The following PARVB variants were observed in gnomAD, a reference collection of about 807,000 sequenced individuals.
The protein encoded by PARVB is parvin beta, also known as beta-parvin.
Under a neutral mutation model 47.0 loss-of-function variants are expected in PARVB, and 46 were observed. The observed-to-expected ratio is 0.98, with a 90% CI of 0.77 to 1.25. The LOEUF is 1.25. PARVB is among the 50% of genes most tolerant of loss of function. The pLI is 0.00. For synonymous variants in PARVB, 196 were observed against 196.3 expected (o/e 1.00, Z 0.01); for missense variants, 473 against 471.6 (o/e 1.00, Z -0.03).
chr22:44,098,436 C>T (rs970736473), intron 2 of PARVB, among the ~76,000 whole-genome samples: 4 of 152,186 alleles, frequency 2.6e-5, no homozygotes, highest in Admixed American at 1.3e-4. Flanking sequence ...GAGAGAGTGT[C>T]AGACAGCGGG....
chr22:44,167,402 C>T (rs2054191312), intron 12 of PARVB, among the ~76,000 whole-genome samples: 1 of 152,080 alleles, frequency 6.6e-6, no homozygotes, highest in African/African-American at 2.4e-5. Context: ...GTTTGTCCAG[C>T]GAGGCTGTCT....
chr22:44,118,760 G>T (rs1157431495), intron 3 of PARVB, among the ~76,000 whole-genome samples: 1 of 151,952 alleles, frequency 6.6e-6, no homozygotes, highest in Non-Finnish European at 1.5e-5. Context: ...CTCTGGTCCT[G>T]GTGGCCACAG....
At position 44,119,134 on chromosome 22, in the gene PARVB, C is replaced by T; in HGVS notation, c.370C>T (p.Leu124Phe). Residue 124 changes from leucine (L) to phenylalanine (F), a missense_variant, in exon 4 of 13, where the codon CTC becomes TTC. Leu to Phe is a conservative substitution (Grantham distance 22). Transcript: ENST00000338758. ...DLYDGQVLQK[L>F]LEKLAGCKLN... ...GTATGACGGCCAGGTGCTGCAGAAG[C>T]TCTTGGGTGAGTTCACAGCAGGGAC... is the stretch of plus-strand genomic sequence containing the variant. The T allele has an allele frequency of 1.2e-6, 2 of 1,610,708 alleles. No individual in the cohort carries two copies. The highest frequency in any genetic ancestry group is 1.7e-6 in the Non-Finnish European group (2 of 1,176,908).
chr22:44,001,488 TA>T (rs1254885574), intron 2 of PARVB, among the ~76,000 whole-genome samples: 1 of 152,208 alleles, frequency 6.6e-6, no homozygotes, highest in Non-Finnish European at 1.5e-5. Context: ...GGGAAAAATC[TA>T]AAACAAAGCT....
chr22:44,008,516 T>G (rs1413218360), intron 2 of PARVB, among the ~76,000 whole-genome samples: 1 of 152,176 alleles, frequency 6.6e-6, no homozygotes, highest in East Asian at 1.9e-4. Flanking sequence ...TCTTTTAGAT[T>G]TTGAGAAAAC....
intron 4 of PARVB, among the ~76,000 whole-genome samples, chr22:44,128,452 A>G (rs2053239828): frequency 6.6e-6 from 1 of 152,220 alleles, no homozygotes. Context: ...GCCAGTGGGC[A>G]CAGTGATGTC....
chr22:44,097,174 C>G (rs560576686), intron 2 of PARVB, among the ~76,000 whole-genome samples: 2 of 152,286 alleles, frequency 1.3e-5, no homozygotes, highest in African/African-American at 2.4e-5. Flanking sequence ...AAACAAGGAG[C>G]CTCTCACAGC....
At chr22:44,065,582 G>A (rs576775783) in intron 1 of PARVB, among the ~76,000 whole-genome samples, 1 of 152,302 alleles carries the variant, frequency 6.6e-6, no homozygotes, top group East Asian at 1.9e-4. Flanking sequence ...CACCCGAGCA[G>A]TGTACACTGC....
rs947822750 is a variant in PARVB at position 44,029,452 on chromosome 22, A to C, written c.112+5001A>C. 8.5e-5 allele frequency among the ~76,000 whole-genome samples: 13 copies of C among 152,190 alleles called. No individual in the cohort carries two copies. In the East Asian group the frequency reaches 2.3e-3, roughly 27 times the overall value. ...TCTCCTAAGCATTTGATGTAGAGTT[A>C]ATGATTAATGAGCAAGATATTGAGA... is the stretch of plus-strand genomic sequence containing the variant. On this transcript the variant is annotated intron_variant, in intron 1 of 12. Transcript: ENST00000338758.
intron 1 of PARVB, among the ~76,000 whole-genome samples, chr22:44,063,206 C>A (rs756231098): frequency 8.6e-5 from 13 of 151,716 alleles, no homozygotes; most frequent in African/African-American, 2.9e-4. Flanking sequence ...GTGGCAGAGA[C>A]CAATATGAAT....
chr22:44,152,267 A>T (rs112095902), intron 10 of PARVB: 56 of 151,412 alleles, frequency 3.7e-4, no homozygotes, highest in African/African-American at 1.3e-3. Flanking sequence ...CTCCTGCCTC[A>T]GCCTCCCGAG....
intron 1 of PARVB, among the ~76,000 whole-genome samples, chr22:44,071,883 G>A (rs73181229): frequency 0.093 from 14,145 of 152,208 alleles, 871 homozygotes; most frequent in Middle Eastern, 0.14. Flanking sequence ...ACCCCTGTAG[G>A]CGTCCATGCC....
At chr22:44,027,921 A>ATATATATATATATATATTCATGTGTGTG (rs1569060187) in intron 1 of PARVB, among the ~76,000 whole-genome samples, 205 of 147,010 alleles carry the variant, frequency 1.4e-3, no homozygotes, top group Middle Eastern at 7.1e-3. Context: ...AACCATATAT[A>ATATATATATATATATATTCATGTGTGTG]TATATATATA....
intron 2 of PARVB, among the ~76,000 whole-genome samples, chr22:44,098,154 A>G (rs1303815614): frequency 6.6e-6 from 1 of 151,898 alleles, no homozygotes; most frequent in East Asian, 1.9e-4. Context: ...GTTGAAGGGG[A>G]TGTTTCCAGA....
chr22:44,080,420 A>C (rs1320688856), intron 1 of PARVB, among the ~76,000 whole-genome samples: 1 of 152,150 alleles, frequency 6.6e-6, no homozygotes, highest in African/African-American at 2.4e-5. Context: ...TGCGTTCCTT[A>C]GTGCCTGGCC....
chr22:44,110,942 C>T (rs2052682712), intron 3 of PARVB: 1 of 152,152 alleles, frequency 6.6e-6, no homozygotes, highest in Admixed American at 6.5e-5. Context: ...CTTTAGAAGC[C>T]ATCTGGATAG....
At chr22:44,118,487 G>A (rs1165165835) in intron 3 of PARVB, among the ~76,000 whole-genome samples, 1 of 152,200 alleles carries the variant, frequency 6.6e-6, no homozygotes, top group Non-Finnish European at 1.5e-5. Context: ...CAGTAATGAT[G>A]CATAACTTCC....
chr22:44,169,133 C>T lies in PARVB; in HGVS notation c.*455C>T, dbSNP rs1160529860. 4.8e-5 allele frequency: 7 copies of T among 146,806 alleles called. No individual in the cohort carries two copies. In the East Asian group the frequency reaches 1.3e-3, roughly 27 times the overall value. 9.1% of individuals were successfully genotyped at this position (146,806 alleles called of 1,614,324 possible). A position where few individuals can be genotyped will look rare whatever the true frequency, so the allele number is the denominator to read the frequency against. ...CAGGAACGCCGGCTCCCCGAGGACCCAGGCTTGACGATTCACCGGGGATCT... is the reference window on the plus strand; with the variant it reads ...CAGGAACGCCGGCTCCCCGAGGACCTAGGCTTGACGATTCACCGGGGATCT... On this transcript the variant is annotated 3_prime_UTR_variant, in exon 13 of 13. Coordinates refer to ENST00000338758, the MANE Select transcript of PARVB (RefSeq NM_013327.5).
At position 44,049,103 on chromosome 22, in the gene PARVB, G is replaced by GT. The variant is rs2146934296; in HGVS notation, c.112+24653dup. Among the ~76,000 whole-genome samples, 2 of 152,266 alleles carry GT rather than the reference G, an allele frequency of 1.3e-5. No individual in the cohort carries two copies. The highest frequency in any genetic ancestry group is 1.3e-4 in the Admixed American group (2 of 15,286). ...TCCGGCTCCAGGGCTGGTGCCCTCTGTCCTGTGCCACTTCCCCTGCAAAAT... is the reference window on the plus strand; with the variant it reads ...TCCGGCTCCAGGGCTGGTGCCCTCTGTTCCTGTGCCACTTCCCCTGCAAAAT... On this transcript the variant is annotated intron_variant, in intron 1 of 12. Transcript: ENST00000338758. The surrounding 1 kb of genome is among the most constrained non-coding windows in gnomAD (Gnocchi z 4.0).
Sources: gnomAD v4.1 joint callset for allele counts (sites outside exome capture counted in the v4.1 genomes callset) on GRCh38, gnomAD v4.1.1 for gene constraint, Gnocchi (gnomAD v3.1) non-coding constraint, MANE v1.5 for transcripts, NCBI Gene and HGNC (gene_info 2026-07-23, HGNC 2026-07-21) for gene names.